The following GALNT13 variants were observed in gnomAD, a reference collection of about 807,000 sequenced individuals.
GALNT13 encodes UDP-GalNAc:polypeptide N-acetylgalactosaminyltransferase 13.
In GALNT13, 28 loss-of-function variants were observed where a neutral mutation model predicts 64.2. That is an observed-to-expected ratio of 0.44 (90% CI 0.32 to 0.60). The LOEUF is 0.60. Ranked by LOEUF, GALNT13 falls within the 20% of genes least tolerant of loss-of-function variation. The pLI is 0.05. For missense variants in GALNT13, 577 were observed against 669.8 expected (o/e 0.86, Z 1.53); for synonymous variants, 214 against 224.6 (o/e 0.95, Z 0.42).
intron 9 of GALNT13, among the ~76,000 whole-genome samples, chr2:154,308,480 A>G (rs1048165727): frequency 6.6e-6 from 1 of 152,126 alleles, no homozygotes; most frequent in African/African-American, 2.4e-5. Context: ...GTGGGGCCTA[A>G]TTTCTTCTGT....
chr2:154,367,175 A>AG, intron 9 of GALNT13, among the ~76,000 whole-genome samples: 1 of 151,374 alleles, frequency 6.6e-6, no homozygotes, highest in Non-Finnish European at 1.5e-5. Flanking sequence ...ACCATAAATG[A>AG]GATGAAACAT....
At chr2:153,733,747 T>C in the GALNT13 span, among the ~76,000 whole-genome samples, 4 of 152,304 alleles carry the variant, frequency 2.6e-5, no homozygotes, top group South Asian at 2.1e-4. Context: ...ACTGCAGGCA[T>C]GTAGTGGTAG....
chr2:154,259,186 A>C, intron 8 of GALNT13, 48 bp downstream of exon 8: 1 of 1,007,172 alleles, frequency 9.9e-7, no homozygotes, highest in Non-Finnish European at 1.6e-6. Context: ...ACAATGCTGT[A>C]GCATGCACAT....
At chr2:154,446,168 G>A (rs552558015) in intron 12 of GALNT13, among the ~76,000 whole-genome samples, 1 of 152,138 alleles carries the variant, frequency 6.6e-6, no homozygotes, top group South Asian at 2.1e-4. Context: ...TAATTTTAGG[G>A]TGAAAGAATG....
intron 3 of GALNT13, among the ~76,000 whole-genome samples, chr2:153,969,156 G>A (rs1693577824): frequency 6.6e-6 from 1 of 151,966 alleles, no homozygotes; most frequent in Non-Finnish European, 1.5e-5. Context: ...ATACTTCAAA[G>A]TCTGATCCAG....
the GALNT13 span, among the ~76,000 whole-genome samples, chr2:153,128,402 G>A: frequency 1.1e-4 from 16 of 152,028 alleles, no homozygotes; most frequent in Admixed American, 1.0e-3. Context: ...TATCTTGTGA[G>A]ACTTATTCAC....
chr2:154,214,416 A>T (rs968102368), intron 4 of GALNT13, among the ~76,000 whole-genome samples: 1 of 151,882 alleles, frequency 6.6e-6, no homozygotes, highest in Non-Finnish European at 1.5e-5. Context: ...TTCCCTTCTT[A>T]TTTAAACAAC....
At chr2:153,198,367 C>T in the GALNT13 span, among the ~76,000 whole-genome samples, 1 of 152,148 alleles carries the variant, frequency 6.6e-6, no homozygotes, top group African/African-American at 2.4e-5. Context: ...AGAATGTAGG[C>T]CACTGGGAAT....
intron 9 of GALNT13, among the ~76,000 whole-genome samples, chr2:154,339,157 A>C (rs139395541): frequency 1.2e-3 from 181 of 152,230 alleles, no homozygotes; most frequent in African/African-American, 4.2e-3. Flanking sequence ...TCTGAATTTC[A>C]TTTTCAAATA....
At chr2:153,992,262 G>T (rs1695205578) in intron 3 of GALNT13, among the ~76,000 whole-genome samples, 1 of 152,158 alleles carries the variant, frequency 6.6e-6, no homozygotes, top group African/African-American at 2.4e-5. Flanking sequence ...ATTAATAGTT[G>T]TGTGTTTTAA....
intron 8 of GALNT13, among the ~76,000 whole-genome samples, chr2:154,274,532 G>A (rs1272513344): frequency 1.3e-5 from 2 of 151,924 alleles, no homozygotes; most frequent in African/African-American, 2.4e-5. Flanking sequence ...AATCATGGGG[G>A]TGGTTACCCC....
intron 11 of GALNT13, among the ~76,000 whole-genome samples, chr2:154,430,370 A>AT (rs2105446598): frequency 6.6e-6 from 1 of 152,314 alleles, no homozygotes; most frequent in East Asian, 1.9e-4. Flanking sequence ...GGTTCAAGAC[A>AT]TCAGTGGAGG....
At chr2:153,629,194 C>G in the GALNT13 span, among the ~76,000 whole-genome samples, 1 of 122,308 alleles carries the variant, frequency 8.2e-6, no homozygotes, top group Admixed American at 7.6e-5. Flanking sequence ...GTGGTGATAT[C>G]CCCTTTATCA....
intron 9 of GALNT13, among the ~76,000 whole-genome samples, chr2:154,383,092 G>C (rs1167292044): frequency 6.6e-6 from 1 of 151,850 alleles, no homozygotes; most frequent in African/African-American, 2.4e-5. Context: ...AAAGACATCT[G>C]AGCCAGAGTA....
chr2:153,672,307 A>G, the GALNT13 span, among the ~76,000 whole-genome samples: 8 of 152,096 alleles, frequency 5.3e-5, no homozygotes, highest in Non-Finnish European at 2.9e-5. Context: ...TGGAAGTAAA[A>G]CACTCCTCAG....
chr2:153,728,122 A>G, the GALNT13 span, among the ~76,000 whole-genome samples: 2 of 151,932 alleles, frequency 1.3e-5, no homozygotes, highest in African/African-American at 4.8e-5. Flanking sequence ...TATGTGCCAC[A>G]TTTTCTTTAT....
rs1056243648 is a variant in GALNT13, at chr2:154,188,438, A to T, written c.311+47933A>T. Among the ~76,000 whole-genome samples, 106 of 152,358 alleles carry T rather than the reference A, an allele frequency of 7.0e-4. 1 individual carries two copies. The highest frequency in any genetic ancestry group is 5.2e-3 in the South Asian group (25 of 4,834). On this transcript the variant is annotated intron_variant, in intron 4 of 12. Coordinates refer to ENST00000392825, the MANE Select transcript of GALNT13 (RefSeq NM_052917.4). Reference sequence around the variant, plus strand: ...AATTAAGTTATTATAAATTATAGTTATAAGATGTATCCATGCTGAATAAAA... The same window carrying T: ...AATTAAGTTATTATAAATTATAGTTTTAAGATGTATCCATGCTGAATAAAA...
the GALNT13 span, among the ~76,000 whole-genome samples, chr2:153,149,298 C>A: frequency 0.011 from 1,694 of 151,858 alleles, 42 homozygotes; most frequent in African/African-American, 0.038. Context: ...CAGAAATCAG[C>A]GCCTCATCTA....
At chr2:153,345,697 T>C in the GALNT13 span, among the ~76,000 whole-genome samples, 647 of 116,292 alleles carry the variant, frequency 5.6e-3, 9 homozygotes, top group Admixed American at 0.019. Context: ...CTTTCTTTCT[T>C]TCTTTCTCTT....
Sources: gnomAD v4.1 joint callset for allele counts (sites outside exome capture counted in the v4.1 genomes callset) on GRCh38, gnomAD v4.1.1 for gene constraint, MANE v1.5 for transcripts, NCBI Gene and HGNC (gene_info 2026-07-23, HGNC 2026-07-21) for gene names.